Variants in CACNA1E observed in about 807,000 individuals in gnomAD.
CACNA1E encodes the protein voltage-dependent R-type calcium channel subunit alpha-1E.
Under a neutral mutation model 259.2 loss-of-function variants are expected in CACNA1E, and 40 were observed. The observed-to-expected ratio is 0.15, with a 90% CI of 0.12 to 0.20. The LOEUF is 0.20. Among genes scored for constraint, CACNA1E ranks in the 10% least tolerant of loss-of-function variants. The pLI is 1.00. For synonymous variants in CACNA1E, 1,104 were observed against 1,138.5 expected (o/e 0.97, Z 0.61); for missense variants, 1,874 against 3,040.1 (o/e 0.62, Z 9.02).
intron 2 of CACNA1E, among the ~76,000 whole-genome samples, chr1:181,427,924 G>T (rs1048546064): frequency 1.3e-5 from 2 of 151,962 alleles, no homozygotes; most frequent in Admixed American, 6.6e-5. Context: ...GCCATTTCTG[G>T]AAAGATGTCC....
chr1:181,504,469 G>A (rs1444119602), intron 1 of CACNA1E, among the ~76,000 whole-genome samples: 1 of 152,220 alleles, frequency 6.6e-6, no homozygotes, highest in African/African-American at 2.4e-5. Context: ...TCTTCAGGAT[G>A]AGCCCCCTGG....
chr1:181,728,751 A>C (rs895377535), intron 18 of CACNA1E, among the ~76,000 whole-genome samples: 2 of 145,364 alleles, frequency 1.4e-5, no homozygotes, highest in East Asian at 4.2e-4. Context: ...GTGTGTGTGC[A>C]TTTTGCTCGG....
intron 1 of CACNA1E, among the ~76,000 whole-genome samples, chr1:181,364,299 G>C (rs921823066): frequency 2.6e-5 from 4 of 152,194 alleles, no homozygotes; most frequent in Non-Finnish European, 5.9e-5. Flanking sequence ...AGCAGCCATT[G>C]TATTTTACAC....
At chr1:181,365,067 G>C (rs183612653) in intron 1 of CACNA1E, among the ~76,000 whole-genome samples, 16 of 152,354 alleles carry the variant, frequency 1.1e-4, no homozygotes, top group Middle Eastern at 3.4e-3. Context: ...CACTGAGCAC[G>C]TGCTTTGGGA....
chr1:181,713,469 C>G (rs1247851168), intron 8 of CACNA1E, among the ~76,000 whole-genome samples: 1 of 152,128 alleles, frequency 6.6e-6, no homozygotes, highest in Admixed American at 6.5e-5. Context: ...AAAAAGAAAG[C>G]AAACATTTAT....
At chr1:181,700,325 A>G (rs1025697660) in intron 7 of CACNA1E, among the ~76,000 whole-genome samples, 1 of 152,164 alleles carries the variant, frequency 6.6e-6, no homozygotes, top group African/African-American at 2.4e-5. Context: ...CAGTTGTTTT[A>G]GGTCAAGGCA....
At chr1:181,638,428 A>G (rs186508388) in intron 6 of CACNA1E, among the ~76,000 whole-genome samples, 1 of 152,294 alleles carries the variant, frequency 6.6e-6, no homozygotes, top group East Asian at 1.9e-4. Context: ...TGCTATTTTT[A>G]TCTCTAACCC....
At chr1:181,326,183 C>G (rs1490133121) in intron 1 of CACNA1E, among the ~76,000 whole-genome samples, 1 of 152,140 alleles carries the variant, frequency 6.6e-6, no homozygotes, top group Non-Finnish European at 1.5e-5. Flanking sequence ...TTTTGAGGTA[C>G]AGGAATTGTC....
At chr1:181,491,945 C>T (rs1054266025) in intron 1 of CACNA1E, among the ~76,000 whole-genome samples, 1 of 152,054 alleles carries the variant, frequency 6.6e-6, no homozygotes, top group South Asian at 2.1e-4. Flanking sequence ...CAGGTGTAGC[C>T]CCAGGGAGGG....
At chr1:181,647,554 AC>A (rs1331964681) in intron 6 of CACNA1E, among the ~76,000 whole-genome samples, 2 of 152,126 alleles carry the variant, frequency 1.3e-5, no homozygotes, top group Non-Finnish European at 1.5e-5. Flanking sequence ...TGGCAGCTTC[AC>A]CCCGACTTCC....
At chr1:181,558,755 G>C (rs1337522228) in intron 3 of CACNA1E, among the ~76,000 whole-genome samples, 4 of 152,212 alleles carry the variant, frequency 2.6e-5, no homozygotes, top group Non-Finnish European at 4.4e-5. Flanking sequence ...GCCAGACTTG[G>C]ATTTTAGAAA....
intron 3 of CACNA1E, among the ~76,000 whole-genome samples, chr1:181,561,387 T>A (rs2102889472): frequency 6.6e-6 from 1 of 152,320 alleles, no homozygotes; most frequent in Non-Finnish European, 1.5e-5. Flanking sequence ...GGCTAACTAC[T>A]ACCATAATCA....
intron 7 of CACNA1E, among the ~76,000 whole-genome samples, chr1:181,653,645 C>T (rs966713718): frequency 4.6e-5 from 7 of 152,202 alleles, no homozygotes; most frequent in African/African-American, 1.7e-4. Context: ...TGGCTTATAG[C>T]CACGTCACTG....
At chr1:181,720,894 G>T in intron 15 of CACNA1E, 39 bp downstream of exon 15, 1 of 1,352,772 alleles carries the variant, frequency 7.4e-7, no homozygotes, top group South Asian at 1.2e-5. Context: ...GCTGCATGGG[G>T]TCCCTTGGAC....
rs200000292 is a variant in CACNA1E at position 181,474,062 on chromosome 1, CTTTA to C, written c.435-9678_435-9675del. Reference sequence around the variant, plus strand: ...ACCTATACTTTTCTTTGTAATTATTCTTTATTTGTTTGATCCATGTCCATTTTTC... The same window carrying C: ...ACCTATACTTTTCTTTGTAATTATTCTTTGTTTGATCCATGTCCATTTTTC... On this transcript the variant is annotated intron_variant, in intron 2 of 11. Transcript: ENST00000524607. 5.4e-3 allele frequency among the ~76,000 whole-genome samples: 824 copies of C among 152,214 alleles called. 8 individuals carry two copies. Among genetic ancestry groups the C allele is most frequent in the African/African-American group, 0.017 (693 of 41,522 alleles).
intron 3 of CACNA1E, among the ~76,000 whole-genome samples, chr1:181,543,457 G>A (rs915929918): frequency 1.3e-5 from 2 of 152,226 alleles, no homozygotes; most frequent in African/African-American, 4.8e-5. Flanking sequence ...GATATTTGGA[G>A]GTAGGGTTTG....
intron 38 of CACNA1E, among the ~76,000 whole-genome samples, chr1:181,777,705 G>T (rs1487858731): frequency 6.6e-6 from 1 of 152,192 alleles, no homozygotes; most frequent in Non-Finnish European, 1.5e-5. Flanking sequence ...TACATAACTT[G>T]CAAGGTGTTT....
chr1:181,794,973 C>T lies in CACNA1E; in HGVS notation c.6137C>T (p.Thr2046Ile). Residue 2046 changes from threonine (T) to isoleucine (I), a missense_variant, in exon 46 of 48, where the codon ACC becomes ATC. Physicochemically the swap from Thr to Ile is moderately conservative, Grantham distance 89. Around this residue, in one of 14 missense-constraint regions of CACNA1E, gnomAD observed 542 missense variants for 587.2 expected, o/e 0.92. Coordinates refer to ENST00000367573, the MANE Select transcript of CACNA1E (RefSeq NM_001205293.3). Reference protein sequence around the residue: ...EFSMERSSENTYKSRRRSYHS... With the variant: ...EFSMERSSENIYKSRRRSYHS... ...TCCATGGAGCGAAGCAGTGAAAATA[C>T]CTACAAGTCCCGTCGCCGGAGTTAC... 3 of 1,613,994 alleles carry T rather than the reference C, an allele frequency of 1.9e-6. No individual in the cohort carries two copies. The highest frequency in any genetic ancestry group is 1.6e-4 in the Middle Eastern group (1 of 6,062).
rs1049100869 is a variant in CACNA1E at position 181,615,091 on chromosome 1, G to A, written c.951+34315G>A. Among the ~76,000 whole-genome samples, 70 of 152,088 alleles carry A rather than the reference G, an allele frequency of 4.6e-4. 3 individuals carry two copies. The highest frequency in any genetic ancestry group is 1.3e-4 in the Non-Finnish European group (9 of 68,020). On this transcript the variant is annotated intron_variant, in intron 6 of 47. Transcript: ENST00000367573. The stretch of plus-strand genomic sequence containing the variant: ...GAATTGACATCTTTATAATAATATT[G>A]AGTTTTCTCATTCATGCAGGTAATA...
Sources: allele counts gnomAD v4.1 joint callset (sites outside exome capture counted in the v4.1 genomes callset), GRCh38; gene constraint gnomAD v4.1.1; regional missense constraint gnomAD v4.1.1; transcripts MANE v1.5; gene names NCBI Gene and HGNC (gene_info 2026-07-23, HGNC 2026-07-21).